GLRX3: variants seen among roughly 807,000 people sequenced by gnomAD.
GLRX3 encodes glutaredoxin-3.
GLRX3 carries 22 observed loss-of-function variants against 49.5 expected under a neutral mutation model. The observed-to-expected ratio is 0.44, with a 90% CI of 0.32 to 0.63. The LOEUF is 0.63. Ranked by LOEUF, GLRX3 falls within the 30% of genes least tolerant of loss-of-function variation. The probability of loss-of-function intolerance (pLI) is 0.05; values close to 1 mark genes in which losing one functional copy is unlikely to be tolerated. For synonymous variants in GLRX3, 133 were observed against 140.0 expected (o/e 0.95, Z 0.35); for missense variants, 385 against 396.3 (o/e 0.97, Z 0.24).
intron 8 of GLRX3, among the ~76,000 whole-genome samples, chr10:130,173,472 T>C (rs1862854254): frequency 6.6e-6 from 1 of 152,228 alleles, no homozygotes; most frequent in Non-Finnish European, 1.5e-5. Flanking sequence ...AACTCCTTTT[T>C]ACTTTTTCTC....
At chr10:130,147,949 G>A (rs1862298923) in intron 2 of GLRX3, among the ~76,000 whole-genome samples, 1 of 152,146 alleles carries the variant, frequency 6.6e-6, no homozygotes, top group African/African-American at 2.4e-5. Context: ...GGAGGATAAA[G>A]CAGAGGATTC....
At chr10:130,142,017 G>A (rs1244063910) in intron 1 of GLRX3, among the ~76,000 whole-genome samples, 1 of 152,188 alleles carries the variant, frequency 6.6e-6, no homozygotes, top group Non-Finnish European at 1.5e-5. Flanking sequence ...AACAGTGCTT[G>A]ATTGAAACAG....
At chr10:130,166,403 C>A in intron 4 of GLRX3, 104 bp from the exon 5 acceptor site, 1 of 721,410 alleles carries the variant, frequency 1.4e-6, no homozygotes, top group Non-Finnish European at 2.3e-6. Context: ...ATAAGGCAGG[C>A]GTCTATGTCT....
intron 2 of GLRX3, among the ~76,000 whole-genome samples, chr10:130,153,530 G>A (rs974057209): frequency 1.3e-5 from 2 of 152,168 alleles, no homozygotes; most frequent in African/African-American, 4.8e-5. Flanking sequence ...CTTTCTGTTT[G>A]TTAGTTTTCT....
intron 1 of GLRX3, among the ~76,000 whole-genome samples, chr10:130,144,681 G>A (rs1862238967): frequency 1.3e-5 from 2 of 152,132 alleles, no homozygotes; most frequent in South Asian, 4.1e-4. Context: ...GTATATATGT[G>A]CCACATTTCC....
At chr10:130,156,036 A>G (rs1210716259) in intron 2 of GLRX3, among the ~76,000 whole-genome samples, 1 of 152,094 alleles carries the variant, frequency 6.6e-6, no homozygotes, top group Non-Finnish European at 1.5e-5. Flanking sequence ...GGCTCCAGAG[A>G]CACACTGTCT....
At chr10:130,146,270 G>C (rs1425859328) in intron 2 of GLRX3, among the ~76,000 whole-genome samples, 1 of 152,162 alleles carries the variant, frequency 6.6e-6, no homozygotes, top group African/African-American at 2.4e-5. Context: ...TAGGTGTGCT[G>C]TAGAAAATAA....
In GLRX3 at chr10:130,160,990, A is replaced by G. The variant is rs1862566519; in HGVS notation, c.471A>G (p.Pro157=). ...MLFMKGTPQE[P]RCGFSKQMVE... ...TTATGAAAGGAACTCCTCAAGAACC[A>G]CGCTGTGGTAAGAAGCTGCCTTTAA... is the stretch of plus-strand genomic sequence containing the variant. Residue 157 remains proline, a synonymous_variant, in exon 4 of 11, where the codon CCA becomes CCG. Transcript: ENST00000331244. 1.2e-6 allele frequency: 2 copies of G among 1,611,120 alleles called. No homozygotes were observed. Among genetic ancestry groups the G allele is most frequent in the Admixed American group, 3.3e-5 (2 of 60,022 alleles).
At chr10:130,146,979 C>T (rs541319489) in intron 2 of GLRX3, among the ~76,000 whole-genome samples, 1 of 152,346 alleles carries the variant, frequency 6.6e-6, no homozygotes, top group African/African-American at 2.4e-5. Context: ...AAGGCCCACC[C>T]CGTTCCTCTG....
At chr10:130,163,352 G>A (rs1862613007) in intron 4 of GLRX3, among the ~76,000 whole-genome samples, 1 of 152,154 alleles carries the variant, frequency 6.6e-6, no homozygotes, top group African/African-American at 2.4e-5. Context: ...AACCTGGGAG[G>A]CAGAGGTTGC....
chr10:130,160,260 A>C (rs1214865191), intron 3 of GLRX3, among the ~76,000 whole-genome samples, 191 bp downstream of exon 3: 1 of 152,238 alleles, frequency 6.6e-6, no homozygotes, highest in Non-Finnish European at 1.5e-5. Context: ...GCTTGCCAGC[A>C]TCTTAGAAAA....
chr10:130,154,228 G>A (rs1488633275), intron 2 of GLRX3, among the ~76,000 whole-genome samples: 5 of 152,172 alleles, frequency 3.3e-5, no homozygotes, highest in Admixed American at 2.6e-4. Flanking sequence ...ATTCCTTCAG[G>A]TACAATCACT....
intron 2 of GLRX3, among the ~76,000 whole-genome samples, chr10:130,153,446 T>C (rs978987322): frequency 1.3e-5 from 2 of 152,190 alleles, no homozygotes; most frequent in Admixed American, 6.5e-5. Context: ...TTATCTACCT[T>C]TGGTCTTTGA....
chr10:130,152,252 C>G (rs11819503), intron 2 of GLRX3, among the ~76,000 whole-genome samples: 40,617 of 152,030 alleles, frequency 0.27, 5,443 homozygotes, highest in South Asian at 0.35. Flanking sequence ...CTCCTGACCT[C>G]AAATGATCCA....
Position 130,139,379 on chromosome 10 carries a change from C to T in GLRX3, c.92+2867C>T, listed in dbSNP as rs1862130172. Among the ~76,000 whole-genome samples the T allele has an allele frequency of 3.3e-5, 5 of 149,486 alleles. No homozygotes were observed. In the Admixed American group the frequency reaches 3.4e-4, roughly 10 times the overall value. On this transcript the variant is annotated intron_variant, in intron 1 of 10. Coordinates refer to ENST00000331244, the MANE Select transcript of GLRX3 (RefSeq NM_006541.5). ...ATTAGGCCGGGCGCGGTGGCTCACG[C>T]CTGTAATCCCAGCACTTTGGGAGGC...
chr10:130,165,645 T>G (rs1190072839), intron 4 of GLRX3, among the ~76,000 whole-genome samples: 2 of 152,258 alleles, frequency 1.3e-5, no homozygotes, highest in African/African-American at 4.8e-5. Context: ...GTGTGTATTT[T>G]AGACTACAGG....
chr10:130,157,956 G>A (rs1045160378), intron 2 of GLRX3, among the ~76,000 whole-genome samples: 2 of 152,000 alleles, frequency 1.3e-5, no homozygotes, highest in African/African-American at 4.8e-5. Context: ...GTGCTGCAAG[G>A]GTTTTAGGAC....
intron 4 of GLRX3, 103 bp downstream of exon 4, chr10:130,161,100 T>G (rs1285516467): frequency 1.3e-6 from 1 of 744,930 alleles, no homozygotes; most frequent in Non-Finnish European, 2.3e-6. Flanking sequence ...ATACCATACA[T>G]CTTATACTTG....
intron 6 of GLRX3, among the ~76,000 whole-genome samples, chr10:130,167,455 A>C (rs1197268515): frequency 2.0e-5 from 3 of 152,216 alleles, no homozygotes; most frequent in Non-Finnish European, 4.4e-5. Flanking sequence ...TTTCTAGACC[A>C]CGAGAACTTA....
Sources: gnomAD v4.1 joint callset for allele counts (sites outside exome capture counted in the v4.1 genomes callset) on GRCh38, gnomAD v4.1.1 for gene constraint, MANE v1.5 for transcripts, NCBI Gene and HGNC (gene_info 2026-07-23, HGNC 2026-07-21) for gene names.